Variants in C8orf76 observed in about 807,000 individuals in gnomAD.
C8orf76 encodes the protein uncharacterized protein C8orf76.
C8orf76 carries 46 observed loss-of-function variants against 38.1 expected under a neutral mutation model. The ratio of observed to expected loss-of-function variants is 1.21; its 90% CI spans 0.95 to 1.54. The LOEUF is 1.54. Ranked by LOEUF, C8orf76 falls within the 40% of genes most tolerant of loss-of-function variation. C8orf76 has a pLI of 0.00. For synonymous variants in C8orf76, 166 were observed against 167.5 expected (o/e 0.99, Z 0.07); for missense variants, 461 against 441.6 (o/e 1.04, Z -0.39).
rs1273557979 is a variant in C8orf76, at chr8:123,219,994, A to C, written c.*109T>G. The C allele has an allele frequency of 1.6e-6, 1 of 622,636 alleles. No individual in the cohort carries two copies. The highest frequency in any genetic ancestry group is 2.6e-6 in the Non-Finnish European group (1 of 388,514). The allele number at this position is 622,636 out of a possible 1,614,324, so 38.6% of individuals were successfully genotyped here. A position where few individuals can be genotyped will look rare whatever the true frequency, so the allele number is the denominator to read the frequency against. ...ATTTGAGACAGAAGCCAGTTTTATA[A>C]AACATAAATAATCATTTATACTCCA... On this transcript the variant is annotated 3_prime_UTR_variant, in exon 6 of 6. Coordinates refer to ENST00000276704, the MANE Select transcript of C8orf76 (RefSeq NM_032847.3).
At chr8:123,235,161 CCA>C (rs1163022106) in intron 3 of C8orf76, among the ~76,000 whole-genome samples, 1 of 152,090 alleles carries the variant, frequency 6.6e-6, no homozygotes, top group Non-Finnish European at 1.5e-5. Context: ...CATTTTCTTA[CCA>C]CAGTTACCAC....
chr8:123,238,166 C>T (rs1047764691), intron 2 of C8orf76, among the ~76,000 whole-genome samples: 1 of 152,176 alleles, frequency 6.6e-6, no homozygotes, highest in African/African-American at 2.4e-5. Context: ...CCATAACCCC[C>T]ACATGTTGTG....
At position 123,231,238 on chromosome 8, in the gene C8orf76, A is replaced by G; in HGVS notation, c.815+62T>C. On this transcript the variant is annotated intron_variant, in intron 4 of 5. Transcript: ENST00000276704. ...CTAGAACTTTTTGAAGCTTAAAATT[A>G]GAAAATAAAGCCTTTACTCTGAGCT... is the stretch of plus-strand genomic sequence containing the variant. 3 of 1,511,696 alleles carry G rather than the reference A, an allele frequency of 2.0e-6. No homozygotes were observed. The Middle Eastern group carries it at 5.3e-4, about 269-fold the overall frequency. 93.6% of individuals were successfully genotyped at this position (1,511,696 alleles called of 1,614,324 possible). A position where few individuals can be genotyped will look rare whatever the true frequency, so the allele number is the denominator to read the frequency against.
At chr8:123,241,206 G>A in intron 1 of C8orf76, 24 bp downstream of exon 1, 1 of 1,570,670 alleles carries the variant, frequency 6.4e-7, no homozygotes, top group Non-Finnish European at 8.6e-7. Context: ...CCCGGGATAA[G>A]GCGAAGAGGC....
Position 123,241,348 on chromosome 8 carries a change from T to C in C8orf76, c.-2A>G. ...GAACAACCAGCACCCGGAATCCATC[T>C]CGCGCCCGCGGCGGGGGCAACGAGG... is the stretch of plus-strand genomic sequence containing the variant. On this transcript the variant is annotated 5_prime_UTR_variant, in exon 1 of 6. Coordinates refer to ENST00000276704, the MANE Select transcript of C8orf76 (RefSeq NM_032847.3). 1 of 1,553,052 alleles carries C rather than the reference T, an allele frequency of 6.4e-7. No individual in the cohort carries two copies. The highest frequency in any genetic ancestry group is 8.6e-7 in the Non-Finnish European group (1 of 1,158,008).
chr8:123,237,756 C>T, intron 3 of C8orf76, 42 bp downstream of exon 3: 1 of 1,597,938 alleles, frequency 6.3e-7, no homozygotes, highest in Non-Finnish European at 8.5e-7. Flanking sequence ...TTCGACCACC[C>T]TTATAGGAAT....
intron 3 of C8orf76, among the ~76,000 whole-genome samples, chr8:123,233,050 C>T (rs1469957246): frequency 2.5e-4 from 38 of 150,900 alleles, no homozygotes; most frequent in East Asian, 3.9e-4. Context: ...GACAGAGTTT[C>T]GCTCTCGTCG....
intron 3 of C8orf76, among the ~76,000 whole-genome samples, chr8:123,235,014 C>A (rs1315966304): frequency 6.6e-6 from 1 of 152,130 alleles, no homozygotes; most frequent in Non-Finnish European, 1.5e-5. Context: ...CGACCAGACA[C>A]TAGATGAGCA....
At chr8:123,232,216 C>T in intron 3 of C8orf76, among the ~76,000 whole-genome samples, 1 of 151,044 alleles carries the variant, frequency 6.6e-6, no homozygotes, top group East Asian at 1.9e-4. Flanking sequence ...AACTCCACTT[C>T]CAAATTTTAT....
chr8:123,239,274 T>C (rs1825599043), intron 1 of C8orf76, 130 bp from the exon 2 acceptor site: 2 of 951,462 alleles, frequency 2.1e-6, no homozygotes, highest in Admixed American at 2.5e-5. Flanking sequence ...GCCAGGTTAG[T>C]CTTGAACTCC....
chr8:123,237,803 T>C lies in C8orf76; in HGVS notation c.352A>G (p.Asn118Asp). Residue 118 changes from asparagine to aspartate, a missense_variant, in exon 3 of 6, where the codon AAC becomes GAC. Coordinates refer to ENST00000276704, the MANE Select transcript of C8orf76 (RefSeq NM_032847.3). ...TAAGCAATAAAATCACTCACCAAGTTTGCAGCAATCTCCAGCGCCTCCATA... is the reference window on the plus strand; with the variant it reads ...TAAGCAATAAAATCACTCACCAAGTCTGCAGCAATCTCCAGCGCCTCCATA... ...RHMEALEIAA[N>D]LENKATNTDH... 1 of 1,612,222 alleles carries C rather than the reference T, an allele frequency of 6.2e-7. No homozygotes were observed. Among genetic ancestry groups the C allele is most frequent in the East Asian group, 2.2e-5 (1 of 44,858 alleles).
chr8:123,225,519 AG>A (rs2131134732), intron 5 of C8orf76, among the ~76,000 whole-genome samples: 1 of 152,342 alleles, frequency 6.6e-6, no homozygotes, highest in Admixed American at 6.5e-5. Flanking sequence ...AGAGAGGCCA[AG>A]GGAATCTTTA....
intron 4 of C8orf76, among the ~76,000 whole-genome samples, chr8:123,229,455 T>A (rs545907451): frequency 2.6e-5 from 4 of 152,320 alleles, no homozygotes; most frequent in Non-Finnish European, 5.9e-5. Flanking sequence ...AGAGGCATCA[T>A]CCCCTCTGTA....
At position 123,220,309 on chromosome 8, in the gene C8orf76, G is replaced by GA; in HGVS notation, c.949-13_949-12insT. ...TCTTCTCCCATAACCTATAACAGGAGGAAAAAAAAAAACTGTCCCAATAAA... is the reference window on the plus strand; with the variant it reads ...TCTTCTCCCATAACCTATAACAGGAGAGAAAAAAAAAAACTGTCCCAATAAA... On this transcript the variant is annotated splice_polypyrimidine_tract_variant and intron_variant, in intron 5 of 5. Transcript: ENST00000276704. The GA allele has an allele frequency of 6.7e-7, 1 of 1,496,948 alleles. No individual in the cohort carries two copies. The allele number at this position is 1,496,948 out of a possible 1,614,324, so 92.7% of individuals were successfully genotyped here.
At position 123,237,407 on chromosome 8, in the gene C8orf76, G is replaced by C. The variant is rs146168942; in HGVS notation, c.357+391C>G. ...TGGTAATGAGTATTTAGTCATTTTG[G>C]GGGGGGGACCTTTTTTGGCTTAGAA... is the stretch of plus-strand genomic sequence containing the variant. On this transcript the variant is annotated intron_variant, in intron 3 of 5. Transcript: ENST00000276704. Among the ~76,000 whole-genome samples the C allele has an allele frequency of 5.2e-4, 79 of 152,020 alleles. 1 individual carries two copies. The highest frequency in any genetic ancestry group is 1.7e-3 in the East Asian group (9 of 5,186).
chr8:123,226,615 G>T lies in C8orf76; in HGVS notation c.833C>A (p.Thr278Asn), dbSNP rs768264903. 1.0e-5 allele frequency: 16 copies of T among 1,598,854 alleles called. No homozygotes were observed. Among genetic ancestry groups the T allele is most frequent in the African/African-American group, 1.4e-5 (1 of 73,712 alleles). ...FIRTRLLLQF[T>N]QPQQTSFALE... ...AGCAAACGATGTTTGCTGAGGTTGG[G>T]TAAACTGAAGCAGAAGCCTGAAAAA... The change falls in exon 5 of 6, where the codon ACC (threonine) becomes AAC (asparagine). Residue 278 changes from threonine (T) to asparagine (N), a missense_variant. Transcript: ENST00000276704.
intron 5 of C8orf76, among the ~76,000 whole-genome samples, chr8:123,223,346 G>A (rs985583902): frequency 1.3e-5 from 2 of 152,236 alleles, no homozygotes; most frequent in Non-Finnish European, 2.9e-5. Context: ...AGTGGCTCAT[G>A]CCTGTAATCC....
intron 3 of C8orf76, 146 bp from the exon 4 acceptor site, chr8:123,231,903 A>T (rs1825284169): frequency 2.3e-5 from 20 of 873,640 alleles, no homozygotes; most frequent in Non-Finnish European, 3.0e-5. Context: ...ATATTTCAAT[A>T]TATCTCATGT....
At chr8:123,240,062 T>C (rs917549754) in intron 1 of C8orf76, 1 of 152,240 alleles carries the variant, frequency 6.6e-6, no homozygotes, top group Non-Finnish European at 1.5e-5. Context: ...GTACAGCACA[T>C]CAGATCTGAC....
Sources: gnomAD v4.1 joint callset for allele counts (sites outside exome capture counted in the v4.1 genomes callset) on GRCh38, gnomAD v4.1.1 for gene constraint, MANE v1.5 for transcripts, NCBI Gene and HGNC (gene_info 2026-07-23, HGNC 2026-07-21) for gene names.